The following KAZN variants were observed in gnomAD, a reference collection of about 807,000 sequenced individuals.
KAZN encodes the protein kazrin, periplakin interacting protein.
KAZN carries 40 observed loss-of-function variants against 87.4 expected under a neutral mutation model. That is an observed-to-expected ratio of 0.46 (90% CI 0.36 to 0.60). The LOEUF (loss-of-function observed/expected upper bound fraction) is 0.60, where lower values mean the gene tolerates loss of function less well. Among genes scored for constraint, KAZN ranks in the 20% least tolerant of loss-of-function variants. The pLI is 0.00. For missense variants in KAZN, 898 were observed against 1,073.9 expected, an observed-to-expected ratio of 0.84 and a Z score of 2.29; for synonymous variants, 466 against 458.3, an observed-to-expected ratio of 1.02 and a Z score of -0.22.
intron 1 of KAZN, among the ~76,000 whole-genome samples, chr1:14,033,929 T>C (rs1641432932): frequency 1.3e-5 from 2 of 152,226 alleles, no homozygotes; most frequent in Admixed American, 1.3e-4. Flanking sequence ...ATCCAGTCCA[T>C]GCTTCCCTGG....
chr1:14,331,759 C>T (rs1186525663), intron 2 of KAZN, among the ~76,000 whole-genome samples: 3 of 152,198 alleles, frequency 2.0e-5, no homozygotes, highest in Non-Finnish European at 4.4e-5. Context: ...CCATCCCCTG[C>T]TTCCCCCTAC....
chr1:15,065,512 C>T, intron 7 of KAZN, 118 bp from the exon 8 acceptor site: 1 of 896,878 alleles, frequency 1.1e-6, no homozygotes, highest in Non-Finnish European at 1.7e-6. Context: ...ACCCCACTGG[C>T]TTAAAGCTCA....
At chr1:14,754,200 CTTTCT>C (rs1474729083) in intron 1 of KAZN, among the ~76,000 whole-genome samples, 7 of 152,216 alleles carry the variant, frequency 4.6e-5, no homozygotes, top group African/African-American at 1.4e-4. Flanking sequence ...CCACCCTGGG[CTTTCT>C]GCCCAGGGTG....
chr1:14,910,061 T>G (rs200673725), intron 1 of KAZN, among the ~76,000 whole-genome samples: 1 of 147,240 alleles, frequency 6.8e-6, no homozygotes, highest in Non-Finnish European at 1.5e-5. Flanking sequence ...AATAAATAAA[T>G]AATGAATGAA....
intron 1 of KAZN, among the ~76,000 whole-genome samples, chr1:13,935,271 G>T (rs1431683287): frequency 2.7e-5 from 1 of 36,996 alleles, no homozygotes; most frequent in East Asian, 1.1e-3. Flanking sequence ...ATAATAATAA[G>T]CCTTCAGTAC....
intron 2 of KAZN, among the ~76,000 whole-genome samples, chr1:14,540,211 C>T (rs930332850): frequency 2.0e-5 from 3 of 152,154 alleles, no homozygotes; most frequent in African/African-American, 7.2e-5. Context: ...GTTGGTTTTG[C>T]TTTGAGTTTT....
chr1:14,345,133 G>C (rs1658018009), intron 2 of KAZN, among the ~76,000 whole-genome samples: 1 of 152,104 alleles, frequency 6.6e-6, no homozygotes, highest in African/African-American at 2.4e-5. Context: ...GGCCAGGCTA[G>C]TTTCAAACTT....
chr1:14,627,754 C>A (rs1328676001), intron 1 of KAZN, among the ~76,000 whole-genome samples: 1 of 152,160 alleles, frequency 6.6e-6, no homozygotes, highest in Non-Finnish European at 1.5e-5. Context: ...GTAGCATAAC[C>A]CCCGACCGCC....
At chr1:14,107,071 A>G (rs1384521711) in intron 1 of KAZN, among the ~76,000 whole-genome samples, 1 of 91,946 alleles carries the variant, frequency 1.1e-5, no homozygotes, top group African/African-American at 4.4e-5. Context: ...TCCTTCCTTC[A>G]TCTCTCTCCC....
At chr1:15,092,060 G>GTTTTTTTTTTTTTTTTT in intron 8 of KAZN, among the ~76,000 whole-genome samples, 1 of 114,438 alleles carries the variant, frequency 8.7e-6, no homozygotes, top group East Asian at 2.6e-4. Context: ...TTGTTTTTTT[G>GTTTTTTTTTTTTTTTTT]TTTTTTTTTT....
intron 1 of KAZN, among the ~76,000 whole-genome samples, chr1:14,701,017 A>G (rs1641890742): frequency 6.6e-6 from 1 of 152,234 alleles, no homozygotes. Context: ...GCCGGAGAAG[A>G]TTTCAATTAA....
intron 8 of KAZN, among the ~76,000 whole-genome samples, chr1:15,092,052 G>GTTTTTTTTTTTTTTTTTTTTTTTTTTTT (rs1182724737): frequency 2.4e-5 from 2 of 82,646 alleles, no homozygotes; most frequent in African/African-American, 1.1e-4. Context: ...CAGAGGTTTT[G>GTTTTTTTTTTTTTTTTTTTTTTTTTTTT]TTTTTTTGTT....
intron 2 of KAZN, among the ~76,000 whole-genome samples, chr1:14,280,501 T>C (rs751452402): frequency 6.8e-6 from 1 of 147,564 alleles, no homozygotes; most frequent in Non-Finnish European, 1.5e-5. Context: ...CACGTGAAGG[T>C]GAATGAAGAG....
chr1:14,025,702 C>T (rs1304436544), intron 1 of KAZN, among the ~76,000 whole-genome samples: 3 of 151,962 alleles, frequency 2.0e-5, no homozygotes, highest in Non-Finnish European at 1.5e-5. Flanking sequence ...AAATGTGGCT[C>T]ATGTGACTGA....
At chr1:14,228,199 A>G (rs144091581) in intron 2 of KAZN, among the ~76,000 whole-genome samples, 2 of 152,288 alleles carry the variant, frequency 1.3e-5, no homozygotes, top group African/African-American at 4.8e-5. Context: ...TGATGACTAT[A>G]ATGATGATGG....
chr1:14,781,043 C>T (rs910677514), intron 1 of KAZN, among the ~76,000 whole-genome samples: 1 of 152,074 alleles, frequency 6.6e-6, no homozygotes, highest in African/African-American at 2.4e-5. Context: ...AGAAACTTGG[C>T]CGGGCGCGGA....
chr1:14,886,435 C>T (rs1572731429), intron 1 of KAZN, among the ~76,000 whole-genome samples: 1 of 119,360 alleles, frequency 8.4e-6, no homozygotes, highest in East Asian at 2.4e-4. Flanking sequence ...TACACACACA[C>T]ATACACACAC....
At chr1:14,710,434 G>A (rs528169329) in intron 1 of KAZN, among the ~76,000 whole-genome samples, 9 of 152,158 alleles carry the variant, frequency 5.9e-5, no homozygotes, top group Non-Finnish European at 1.2e-4. Flanking sequence ...ACCGTGGCAC[G>A]TGGGGCCCTA....
chr1:14,239,054 A>G (rs1182549846), intron 2 of KAZN, among the ~76,000 whole-genome samples: 4 of 152,310 alleles, frequency 2.6e-5, no homozygotes, highest in South Asian at 4.1e-4. Context: ...TCAAATTAAT[A>G]GTTTCCTCTC....
Sources: allele counts gnomAD v4.1 joint callset (sites outside exome capture counted in the v4.1 genomes callset), GRCh38; gene constraint gnomAD v4.1.1; transcripts MANE v1.5; gene names NCBI Gene and HGNC (gene_info 2026-07-23, HGNC 2026-07-21).